NIF3L1: variants seen among roughly 807,000 people sequenced by gnomAD.
NIF3L1 encodes the protein NGG1 interacting factor 3 like 1, also known as NIF3-like protein 1.
Under a neutral mutation model 35.0 loss-of-function variants are expected in NIF3L1, and 26 were observed. That is an observed-to-expected ratio of 0.74 (90% CI 0.54 to 1.03). The LOEUF (loss-of-function observed/expected upper bound fraction) is 1.03. Ranked by LOEUF, NIF3L1 falls within the 50% of genes least tolerant of loss-of-function variation. NIF3L1 has a pLI of 0.00. For synonymous variants in NIF3L1, 157 were observed against 178.9 expected (o/e 0.88, Z 0.98); for missense variants, 449 against 466.3 (o/e 0.96, Z 0.34).
chr2:200,891,968 G>T lies in NIF3L1; in HGVS notation c.25G>T (p.Val9Phe), dbSNP rs1462944715. 4 of 1,612,854 alleles carry T rather than the reference G, an allele frequency of 2.5e-6. No homozygotes were observed. The highest frequency in any genetic ancestry group is 3.3e-5 in the Admixed American group (2 of 59,838). ...TATGTTGTCATCTTGCGTACGCCCA[G>T]TCCCCACGACAGTCCGGTTTGTAGA... MLSSCVRP[V>F]PTTVRFVDSL... Residue 9 changes from valine to phenylalanine, a missense_variant, in exon 2 of 7, where the codon GTC becomes TTC. Physicochemically the swap from Val to Phe is conservative, Grantham distance 50. Coordinates refer to ENST00000409020, the MANE Select transcript of NIF3L1 (RefSeq NM_001369441.2).
rs1271912010 is a variant in NIF3L1 at position 200,893,321 on chromosome 2, T to G, written c.512T>G (p.Phe171Cys). The part of the protein sequence containing the change: ...YPTEGNHRVE[F>C]NVNYTQDLDK... ...ACAGAGGGAAACCACCGAGTAGAATTCAACGTTAACTACACCCAAGACCTG... is the reference window on the plus strand; with the variant it reads ...ACAGAGGGAAACCACCGAGTAGAATGCAACGTTAACTACACCCAAGACCTG... Residue 171 changes from phenylalanine to cysteine, a missense_variant, in exon 3 of 7, where the codon TTC becomes TGC. By Grantham distance (205) the Phe-to-Cys change is radical. Transcript: ENST00000409020. The G allele has an allele frequency of 6.2e-7, 1 of 1,612,128 alleles. No individual in the cohort carries two copies. Among genetic ancestry groups the G allele is most frequent in the Non-Finnish European group, 8.5e-7 (1 of 1,178,992 alleles).
At chr2:200,891,539 A>G (rs2040192190) in intron 1 of NIF3L1, among the ~76,000 whole-genome samples, 1 of 152,180 alleles carries the variant, frequency 6.6e-6, no homozygotes, top group Admixed American at 6.5e-5. Context: ...GCTTGGGAAA[A>G]GGAAAGGTAA....
chr2:200,890,237 A>G (rs1260956019), intron 1 of NIF3L1, among the ~76,000 whole-genome samples: 1 of 152,154 alleles, frequency 6.6e-6, no homozygotes, highest in Non-Finnish European at 1.5e-5. Flanking sequence ...TAGCGCCTGT[A>G]GTCCCAGCTG....
chr2:200,893,929 C>G (rs1217069270), intron 3 of NIF3L1, among the ~76,000 whole-genome samples: 2 of 152,126 alleles, frequency 1.3e-5, no homozygotes, highest in Non-Finnish European at 2.9e-5. Context: ...AATCCCAGCA[C>G]TTTGGGAGGC....
rs1257379850 is a variant in NIF3L1, at chr2:200,895,301, T to G, written c.637T>G (p.Cys213Gly). The G allele has an allele frequency of 1.2e-6, 2 of 1,613,840 alleles. No homozygotes were observed. The highest frequency in any genetic ancestry group is 1.1e-5 in the South Asian group (1 of 91,082). Reference sequence around the variant, plus strand: ...GGAACAAACACGGATTAATCTGAATTGTACTCAGAAGGCTTTGATGCAGGT... The same window carrying G: ...GGAACAAACACGGATTAATCTGAATGGTACTCAGAAGGCTTTGATGCAGGT... ...NEEQTRINLN[C>G]TQKALMQVVD... The change falls in exon 4 of 7, where the codon TGT (cysteine) becomes GGT (glycine). Residue 213 changes from cysteine to glycine, a missense_variant. Coordinates refer to ENST00000409020, the MANE Select transcript of NIF3L1 (RefSeq NM_001369441.2).
intron 3 of NIF3L1, 41 bp from the exon 4 acceptor site, chr2:200,895,223 T>G (rs746163724): frequency 6.3e-7 from 1 of 1,582,846 alleles, no homozygotes; most frequent in Non-Finnish European, 8.7e-7. Flanking sequence ...AAATACATTT[T>G]GGCTATATTT....
At chr2:200,895,158 T>C in intron 3 of NIF3L1, 106 bp from the exon 4 acceptor site, 2 of 1,085,570 alleles carry the variant, frequency 1.8e-6, no homozygotes, top group Non-Finnish European at 2.7e-6. Context: ...GTTAAATCCT[T>C]GGTTCCACAT....
rs190262444 is a variant in NIF3L1 at position 200,894,035 on chromosome 2, G to A, written c.599+627G>A. Reference sequence around the variant, plus strand: ...ACTAAAAATACAAAATTAGCTGGGCGTAGTGGCGCATGCCTGTAATCCCAG... The same window carrying A: ...ACTAAAAATACAAAATTAGCTGGGCATAGTGGCGCATGCCTGTAATCCCAG... On this transcript the variant is annotated intron_variant, in intron 3 of 6. Transcript: ENST00000409020. Among the ~76,000 whole-genome samples, 503 of 151,992 alleles carry A rather than the reference G, an allele frequency of 3.3e-3. 1 individual carries two copies. The highest frequency in any genetic ancestry group is 0.011 in the African/African-American group (467 of 41,498).
At chr2:200,902,792 GT>G (rs2040429670) in intron 6 of NIF3L1, among the ~76,000 whole-genome samples, 1 of 152,188 alleles carries the variant, frequency 6.6e-6, no homozygotes. Context: ...CTGCTGGGCA[GT>G]ATACATATAA....
intron 3 of NIF3L1, among the ~76,000 whole-genome samples, chr2:200,893,931 T>C (rs990798897): frequency 2.0e-5 from 3 of 152,248 alleles, no homozygotes; most frequent in African/African-American, 7.2e-5. Context: ...TCCCAGCACT[T>C]TGGGAGGCCA....
chr2:200,896,731 C>T (rs2040321861), intron 4 of NIF3L1, among the ~76,000 whole-genome samples: 1 of 152,188 alleles, frequency 6.6e-6, no homozygotes, highest in African/African-American at 2.4e-5. Flanking sequence ...ACTGCAGGCG[C>T]ACGCCACTGC....
chr2:200,890,793 A>AAAG (rs542892670), intron 1 of NIF3L1, among the ~76,000 whole-genome samples: 95 of 152,082 alleles, frequency 6.2e-4, no homozygotes, highest in African/African-American at 2.1e-3. Context: ...CCTATACCTT[A>AAAG]TCCCCTCCCA....
In NIF3L1 at chr2:200,892,174, G is replaced by A; in HGVS notation, c.231G>A (p.Val77=). 1 of 1,614,248 alleles carries A rather than the reference G, an allele frequency of 6.2e-7. No individual in the cohort carries two copies. Among genetic ancestry groups the A allele is most frequent in the Non-Finnish European group, 8.5e-7 (1 of 1,180,052 alleles). The part of the protein sequence containing the change: ...LFLTNDLTEE[V]MEEVLQKKAD... ...TGACCAATGACCTGACTGAGGAAGT[G>A]ATGGAGGAGGTGCTGCAAAAGAAGG... is the stretch of plus-strand genomic sequence containing the variant. Residue 77 remains valine, a synonymous_variant, in exon 2 of 7, where the codon GTG becomes GTA. Transcript: ENST00000409020.
Position 200,897,181 on chromosome 2 carries a change from A to T in NIF3L1, c.832A>T (p.Ile278Phe). ...AAAAAGACACCTAAAACTATCTCAT[A>T]TTCGCTTAGCCCTTGGGGTGGGGAG... ...RIKRHLKLSH[I>F]RLALGVGRTL... The change falls in exon 5 of 7, where the codon ATT (isoleucine) becomes TTT (phenylalanine). Residue 278 changes from isoleucine (I) to phenylalanine (F), a missense_variant. By Grantham distance (21) the Ile-to-Phe change is conservative (BLOSUM62 0). Coordinates refer to ENST00000409020, the MANE Select transcript of NIF3L1 (RefSeq NM_001369441.2). The T allele has an allele frequency of 6.2e-7, 1 of 1,613,914 alleles. No homozygotes were observed. The highest frequency in any genetic ancestry group is 8.5e-7 in the Non-Finnish European group (1 of 1,179,990).
chr2:200,902,417 A>G (rs772533149), intron 6 of NIF3L1, among the ~76,000 whole-genome samples: 1 of 152,082 alleles, frequency 6.6e-6, no homozygotes, highest in Non-Finnish European at 1.5e-5. Flanking sequence ...AAAATACAAA[A>G]ATTAGCCAGG....
At chr2:200,896,499 C>G (rs1423858304) in intron 4 of NIF3L1, among the ~76,000 whole-genome samples, 1 of 152,256 alleles carries the variant, frequency 6.6e-6, no homozygotes, top group East Asian at 1.9e-4. Flanking sequence ...CCAAGTACTC[C>G]CCAAGCCTCC....
At chr2:200,897,309 G>A (rs1200340220) in intron 5 of NIF3L1, 95 bp downstream of exon 5, 4 of 1,358,800 alleles carry the variant, frequency 2.9e-6, no homozygotes, top group South Asian at 1.4e-5. Context: ...TAGAGAATGT[G>A]TTAGCAGCTC....
At position 200,895,244 on chromosome 2, in the gene NIF3L1, G is replaced by A; in HGVS notation, c.600-20G>A. ...ATTTTGGCTATATTTGTCCTAAATGGAGTGATTTTTCCCCCCTAGGACTGG... is the reference window on the plus strand; with the variant it reads ...ATTTTGGCTATATTTGTCCTAAATGAAGTGATTTTTCCCCCCTAGGACTGG... On this transcript the variant is annotated intron_variant, in intron 3 of 6. Transcript: ENST00000409020. The A allele has an allele frequency of 1.2e-6, 2 of 1,610,506 alleles. No individual in the cohort carries two copies. Among genetic ancestry groups the A allele is most frequent in the Non-Finnish European group, 1.7e-6 (2 of 1,177,294 alleles).
chr2:200,899,927 T>A (rs922893019), intron 6 of NIF3L1, among the ~76,000 whole-genome samples: 2 of 152,120 alleles, frequency 1.3e-5, no homozygotes, highest in Non-Finnish European at 2.9e-5. Flanking sequence ...TTCCATATAC[T>A]CTCCTGAAAT....
Sources: allele counts gnomAD v4.1 joint callset (sites outside exome capture counted in the v4.1 genomes callset), GRCh38; gene constraint gnomAD v4.1.1; transcripts MANE v1.5; gene names NCBI Gene and HGNC (gene_info 2026-07-23, HGNC 2026-07-21).